PRIM2: variants seen among roughly 807,000 people sequenced by gnomAD.
The protein encoded by PRIM2 is DNA primase large subunit.
A neutral mutation model predicts 67.3 loss-of-function variants in PRIM2; 39 were observed. That is an observed-to-expected ratio of 0.58 (90% confidence interval 0.45 to 0.76). PRIM2 has a LOEUF of 0.76. Among genes scored for constraint, PRIM2 ranks in the 30% least tolerant of loss-of-function variants. The probability of loss-of-function intolerance (pLI) is 0.00; values close to 1 mark genes in which losing one functional copy is unlikely to be tolerated. For synonymous variants in PRIM2, 143 were observed against 198.7 expected, an observed-to-expected ratio of 0.72 and a Z score of 2.36; for missense variants, 398 against 598.7, an observed-to-expected ratio of 0.66 and a Z score of 3.50.
chr6:57,246,535 C>T, the PRIM2 span, among the ~76,000 whole-genome samples: 141 of 152,200 alleles, frequency 9.3e-4, no homozygotes, highest in African/African-American at 3.2e-3. Context: ...GGTGTTGCAA[C>T]AATTCAAAAC....
rs1020969454 is a variant in PRIM2 at position 57,351,041 on chromosome 6, T to C, written c.459+24996T>C. Among the ~76,000 whole-genome samples the C allele has an allele frequency of 4.2e-4, 63 of 150,240 alleles. 2 individuals carry two copies. The highest frequency in any genetic ancestry group is 1.3e-4 in the Non-Finnish European group (9 of 67,768). ...ATCAGGGTGACATGTTATAATCTAG[T>C]ATGATGAAGAGAACTGCAACAGCTG... is the stretch of plus-strand genomic sequence containing the variant. On this transcript the variant is annotated intron_variant, in intron 5 of 13. Coordinates refer to ENST00000615550, the MANE Select transcript of PRIM2 (RefSeq NM_000947.5).
the PRIM2 span, among the ~76,000 whole-genome samples, chr6:57,237,115 T>G: frequency 6.6e-6 from 1 of 151,676 alleles, no homozygotes. Context: ...TTCTAACTGG[T>G]GTGAGATAGT....
the PRIM2 span, among the ~76,000 whole-genome samples, chr6:57,282,564 A>G: frequency 6.6e-6 from 1 of 152,166 alleles, no homozygotes; most frequent in Non-Finnish European, 1.5e-5. Context: ...CCTAACTCCC[A>G]GTACCTCAGA....
chr6:57,243,079 G>T, the PRIM2 span, among the ~76,000 whole-genome samples: 1 of 152,178 alleles, frequency 6.6e-6, no homozygotes, highest in Non-Finnish European at 1.5e-5. Flanking sequence ...TGTTCAATCT[G>T]CTCTCATTTG....
chr6:57,530,130 G>A (rs1774855176), intron 8 of PRIM2, among the ~76,000 whole-genome samples: 1 of 152,140 alleles, frequency 6.6e-6, no homozygotes. Context: ...CATGAGTTTT[G>A]GAAGGGACAG....
At chr6:57,381,981 T>A (rs1215775412) in intron 6 of PRIM2, 50 bp from the exon 7 acceptor site, 5 of 1,546,632 alleles carry the variant, frequency 3.2e-6, no homozygotes, top group Admixed American at 3.9e-5. Flanking sequence ...GACTTAGGAT[T>A]TCTTAATGAC....
At chr6:57,377,602 G>T (rs2208359) in intron 5 of PRIM2, among the ~76,000 whole-genome samples, 1 of 151,848 alleles carries the variant, frequency 6.6e-6, no homozygotes, top group African/African-American at 2.4e-5. Flanking sequence ...GTAGATCCAT[G>T]TGAAGGCTGA....
At chr6:57,243,588 C>T in the PRIM2 span, among the ~76,000 whole-genome samples, 2 of 152,212 alleles carry the variant, frequency 1.3e-5, no homozygotes. Flanking sequence ...CCTGCCTCAG[C>T]CTCCCAAGTA....
chr6:57,286,891 G>A, the PRIM2 span, among the ~76,000 whole-genome samples: 4 of 152,204 alleles, frequency 2.6e-5, no homozygotes, highest in Non-Finnish European at 4.4e-5. Context: ...GAGTCTACAA[G>A]GTACTTAAAC....
intron 8 of PRIM2, among the ~76,000 whole-genome samples, chr6:57,526,734 G>T (rs1489991199): frequency 6.6e-6 from 1 of 151,942 alleles, no homozygotes; most frequent in African/African-American, 2.4e-5. Context: ...ATAAAGCTGT[G>T]AGTATTTTAA....
In PRIM2 at chr6:57,325,906, A is replaced by G. The variant is rs969665048; in HGVS notation, c.339-19A>G. On this transcript the variant is annotated intron_variant, in intron 4 of 13. Coordinates refer to ENST00000615550, the MANE Select transcript of PRIM2 (RefSeq NM_000947.5). ...ACTGGATTTTTAGTTTGTACTCATA[A>G]TTTCTGTCTTCATTTCAGTGAAGAA... is the stretch of plus-strand genomic sequence containing the variant. 1 of 1,567,186 alleles carries G rather than the reference A, an allele frequency of 6.4e-7. No homozygotes were observed. Among genetic ancestry groups the G allele is most frequent in the Non-Finnish European group, 8.6e-7 (1 of 1,158,134 alleles).
Position 57,386,924 on chromosome 6 carries a change from T to G in PRIM2, c.693+4756T>G, listed in dbSNP as rs376384856. Among the ~76,000 whole-genome samples the G allele has an allele frequency of 9.1e-3, 1,392 of 152,286 alleles. 18 individuals are homozygous for G. Among genetic ancestry groups the G allele is most frequent in the African/African-American group, 0.032 (1,313 of 41,550 alleles). On this transcript the variant is annotated intron_variant, in intron 7 of 13. Coordinates refer to ENST00000615550, the MANE Select transcript of PRIM2 (RefSeq NM_000947.5). The stretch of plus-strand genomic sequence containing the variant: ...GGTTCTGGGGGAAGTTGTAAATTGA[T>G]GAGAGTTTTACCCCAGGTGACAACT...
At chr6:57,405,810 A>G (rs1770868269) in intron 7 of PRIM2, among the ~76,000 whole-genome samples, 1 of 150,324 alleles carries the variant, frequency 6.7e-6, no homozygotes, top group Non-Finnish European at 1.5e-5. Context: ...GTGGCAGCCA[A>G]CAGATTAAAT....
At chr6:57,424,639 A>G (rs1264902252) in intron 7 of PRIM2, among the ~76,000 whole-genome samples, 1 of 152,192 alleles carries the variant, frequency 6.6e-6, no homozygotes, top group African/African-American at 2.4e-5. Context: ...CAATGCCTTA[A>G]AAACACAATA....
At chr6:57,318,310 C>A in intron 1 of PRIM2, 127 bp from the exon 2 acceptor site, 1 of 880,524 alleles carries the variant, frequency 1.1e-6, no homozygotes, top group Admixed American at 2.9e-5. Flanking sequence ...CCACTGCTAA[C>A]ATTTTGTGCA....
chr6:57,582,666 G>A (rs1176542221), intron 10 of PRIM2, among the ~76,000 whole-genome samples: 4,045 of 152,078 alleles, frequency 0.027, 163 homozygotes, highest in African/African-American at 0.087. Flanking sequence ...CTTTCAGATG[G>A]CCCTTGAAGC....
the PRIM2 span, among the ~76,000 whole-genome samples, chr6:57,233,568 T>C: frequency 6.6e-6 from 1 of 151,970 alleles, no homozygotes; most frequent in African/African-American, 2.4e-5. Context: ...GGTAACATCT[T>C]GTTAACAATG....
intron 12 of PRIM2, among the ~76,000 whole-genome samples, chr6:57,631,700 C>G (rs1313567771): frequency 3.9e-5 from 6 of 152,238 alleles, no homozygotes; most frequent in African/African-American, 1.4e-4. Context: ...TCTGTATAAA[C>G]CATTAACGTG....
At chr6:57,225,807 C>CAT in the PRIM2 span, among the ~76,000 whole-genome samples, 1 of 152,102 alleles carries the variant, frequency 6.6e-6, no homozygotes. Context: ...TATAAGTCTG[C>CAT]ATATACATAT....
Sources: allele counts gnomAD v4.1 joint callset (sites outside exome capture counted in the v4.1 genomes callset), GRCh38; gene constraint gnomAD v4.1.1; transcripts MANE v1.5; gene names NCBI Gene and HGNC (gene_info 2026-07-23, HGNC 2026-07-21).